Variants in FAR2 observed in about 807,000 individuals in gnomAD.
FAR2 encodes epididymis secretory protein Li 81.
A neutral mutation model predicts 56.0 loss-of-function variants in FAR2; 19 were observed. That is an observed-to-expected ratio of 0.34 (90% CI 0.24 to 0.50). FAR2 has a LOEUF of 0.50. FAR2 is among the 20% of genes least tolerant of loss of function. The pLI is 0.98. For synonymous variants in FAR2, 219 were observed against 218.8 expected (o/e 1.00, Z -0.01); for missense variants, 508 against 642.2 (o/e 0.79, Z 2.26).
chr12:29,149,825 G>T (rs2136567736), intron 1 of FAR2, among the ~76,000 whole-genome samples: 1 of 152,328 alleles, frequency 6.6e-6, no homozygotes, highest in East Asian at 1.9e-4. Flanking sequence ...TATTCCTGGA[G>T]AGAGCGCGAA....
At chr12:29,245,170 C>G (rs1289585925) in intron 1 of FAR2, among the ~76,000 whole-genome samples, 1 of 152,050 alleles carries the variant, frequency 6.6e-6, no homozygotes, top group Admixed American at 6.6e-5. Context: ...TAGTAAGAGA[C>G]GGGGTTTCAC....
intron 1 of FAR2, chr12:29,151,699 A>G (rs1185100806): frequency 1.3e-5 from 2 of 152,258 alleles, no homozygotes; most frequent in Non-Finnish European, 2.9e-5. Flanking sequence ...TGAGTTCTCC[A>G]GTACAAACCT....
chr12:29,277,440 ACTTATTGCTT>A (rs1565501332), intron 2 of FAR2: 1 of 152,236 alleles, frequency 6.6e-6, no homozygotes, highest in East Asian at 1.9e-4. Flanking sequence ...TATGTCAGGC[ACTTATTGCTT>A]TGTGCCTGGG....
intron 2 of FAR2, among the ~76,000 whole-genome samples, chr12:29,285,980 T>C (rs1372246488): frequency 2.0e-5 from 3 of 152,006 alleles, no homozygotes; most frequent in African/African-American, 7.3e-5. Flanking sequence ...AGGTTCAACA[T>C]GATTTTGGCA....
At chr12:29,181,173 G>T (rs1002313203) in intron 1 of FAR2, among the ~76,000 whole-genome samples, 1 of 151,724 alleles carries the variant, frequency 6.6e-6, no homozygotes, top group African/African-American at 2.4e-5. Flanking sequence ...GAAACAGAGA[G>T]ATAAATTTTT....
intron 1 of FAR2, among the ~76,000 whole-genome samples, chr12:29,213,691 A>G (rs58508012): frequency 0.039 from 5,800 of 149,392 alleles, 374 homozygotes; most frequent in African/African-American, 0.13. Context: ...CTCTGTCTCA[A>G]AAAAAAAAAA....
chr12:29,323,468 C>G (rs543358894), intron 10 of FAR2, among the ~76,000 whole-genome samples: 58 of 152,192 alleles, frequency 3.8e-4, no homozygotes, highest in Non-Finnish European at 6.5e-4. Flanking sequence ...GTCCCTGACC[C>G]CCAAGTAGCC....
chr12:29,297,239 A>G (rs368327117), intron 4 of FAR2, 39 bp downstream of exon 4: 11 of 1,555,488 alleles, frequency 7.1e-6, no homozygotes, highest in African/African-American at 2.7e-5. Flanking sequence ...GGCGGGTAGA[A>G]TAAGTTCCTT....
chr12:29,270,591 G>C lies in FAR2; in HGVS notation c.142G>C (p.Ala48Pro). The C allele has an allele frequency of 1.9e-6, 3 of 1,614,030 alleles. No individual in the cohort carries two copies. The highest frequency in any genetic ancestry group is 2.5e-6 in the Non-Finnish European group (3 of 1,179,910). The change falls in exon 2 of 12, where the codon GCT becomes CCT. Residue 48 changes from alanine (A) to proline (P), a missense_variant. Coordinates refer to ENST00000536681, the MANE Select transcript of FAR2 (RefSeq NM_001271783.2). ...CATTTACATCCTTGTGAGGCCCAAG[G>C]CTGGCCAGACACTGCAGCAGAGGGT... ...KVIYILVRPKAGQTLQQRVFQ... is the reference protein window; with the variant it reads ...KVIYILVRPKPGQTLQQRVFQ...
At chr12:29,161,603 C>A (rs1339615424) in intron 1 of FAR2, among the ~76,000 whole-genome samples, 1 of 152,196 alleles carries the variant, frequency 6.6e-6, no homozygotes, top group South Asian at 2.1e-4. Flanking sequence ...CTGCTATGAG[C>A]ATTCTTGAGA....
chr12:29,305,282 C>T (rs1949237807), intron 4 of FAR2, among the ~76,000 whole-genome samples: 1 of 152,000 alleles, frequency 6.6e-6, no homozygotes, highest in Non-Finnish European at 1.5e-5. Flanking sequence ...TGCAGGTGCA[C>T]ACCACCATGC....
At chr12:29,232,032 T>C (rs1947867726) in intron 1 of FAR2, among the ~76,000 whole-genome samples, 1 of 152,136 alleles carries the variant, frequency 6.6e-6, no homozygotes, top group South Asian at 2.1e-4. Flanking sequence ...AGAACATATC[T>C]CAAAGGGGTT....
intron 4 of FAR2, among the ~76,000 whole-genome samples, chr12:29,301,251 T>C (rs1167800243): frequency 2.6e-5 from 4 of 152,200 alleles, no homozygotes; most frequent in African/African-American, 7.2e-5. Context: ...CGTTAATCAG[T>C]GTTTAGCGAC....
chr12:29,329,205 C>T (rs935212625), intron 10 of FAR2, among the ~76,000 whole-genome samples: 1 of 152,114 alleles, frequency 6.6e-6, no homozygotes, highest in Non-Finnish European at 1.5e-5. Flanking sequence ...ATGATTAAGC[C>T]AGTTTATAAA....
chr12:29,325,680 TAA>T (rs1284822866), intron 10 of FAR2, among the ~76,000 whole-genome samples: 2 of 152,066 alleles, frequency 1.3e-5, no homozygotes, highest in African/African-American at 4.8e-5. Context: ...AAGGCAGAAA[TAA>T]AGACATTCTT....
At chr12:29,258,463 C>T (rs1948364088) in intron 1 of FAR2, among the ~76,000 whole-genome samples, 1 of 152,082 alleles carries the variant, frequency 6.6e-6, no homozygotes, top group African/African-American at 2.4e-5. Context: ...AAATGCTTCT[C>T]CTAACATAAT....
chr12:29,158,956 ATTCATTTG>A (rs2136575760), intron 1 of FAR2, among the ~76,000 whole-genome samples: 1 of 152,276 alleles, frequency 6.6e-6, no homozygotes, highest in African/African-American at 2.4e-5. Flanking sequence ...TCATTCATTT[ATTCATTTG>A]TACTATTTAC....
intron 1 of FAR2, among the ~76,000 whole-genome samples, chr12:29,242,151 AG>A (rs1948047207): frequency 6.6e-6 from 1 of 152,226 alleles, no homozygotes; most frequent in Non-Finnish European, 1.5e-5. Context: ...GGAGCTAGAA[AG>A]GAAGTTTATG....
chr12:29,255,515 A>G (rs538105405), intron 1 of FAR2, among the ~76,000 whole-genome samples: 178 of 152,378 alleles, frequency 1.2e-3, no homozygotes, highest in Admixed American at 2.0e-3. Flanking sequence ...TAACTTAAAT[A>G]TATCTTAAAC....
Sources: allele counts gnomAD v4.1 joint callset (sites outside exome capture counted in the v4.1 genomes callset), GRCh38; gene constraint gnomAD v4.1.1; transcripts MANE v1.5; gene names NCBI Gene and HGNC (gene_info 2026-07-23, HGNC 2026-07-21).